Variants in SEPTIN11 observed in about 807,000 individuals in gnomAD.
SEPTIN11 encodes the protein septin 11, also known as septin-11.
Under a neutral mutation model 51.4 loss-of-function variants are expected in SEPTIN11, and 25 were observed. The ratio of observed to expected loss-of-function variants is 0.49; its 90% CI spans 0.35 to 0.68. The LOEUF is 0.68. Among genes scored for constraint, SEPTIN11 ranks in the 30% least tolerant of loss-of-function variants. The pLI, the probability that SEPTIN11 is intolerant of heterozygous loss-of-function variation, is 0.00. For synonymous variants in SEPTIN11, 174 were observed against 184.1 expected (o/e 0.95, Z 0.44); for missense variants, 381 against 520.8 (o/e 0.73, Z 2.61).
chr4:77,017,604 C>T (rs1434309858), intron 5 of SEPTIN11, among the ~76,000 whole-genome samples: 4 of 152,168 alleles, frequency 2.6e-5, no homozygotes, highest in Admixed American at 1.3e-4. Context: ...ATATCTTGAG[C>T]GTCCAACAAA....
At chr4:77,020,473 A>G in intron 6 of SEPTIN11, 29 bp from the exon 7 acceptor site, 1 of 1,609,880 alleles carries the variant, frequency 6.2e-7, no homozygotes, top group Non-Finnish European at 8.5e-7. Flanking sequence ...TGCTAATCCC[A>G]CTTCCGCCAT....
chr4:77,014,535 CA>C (rs1339683871), intron 4 of SEPTIN11, among the ~76,000 whole-genome samples: 1 of 152,024 alleles, frequency 6.6e-6, no homozygotes, highest in Non-Finnish European at 1.5e-5. Flanking sequence ...GAGGAAATTA[CA>C]AGTATACTTT....
At chr4:76,950,024 T>A in intron 1 of SEPTIN11, 94 bp downstream of exon 1, 1 of 1,245,312 alleles carries the variant, frequency 8.0e-7, no homozygotes, top group South Asian at 2.1e-5. Flanking sequence ...GCCGGGCGGG[T>A]GCTCGGCCCC....
At chr4:76,969,271 C>T (rs762149206) in intron 1 of SEPTIN11, among the ~76,000 whole-genome samples, 21 of 152,212 alleles carry the variant, frequency 1.4e-4, no homozygotes, top group Middle Eastern at 3.4e-3. Flanking sequence ...TTGTTGTAAT[C>T]GTATCCTAAT....
Position 77,035,179 on chromosome 4 carries a change from A to G in SEPTIN11, c.*667A>G, listed in dbSNP as rs1435655168. ...CCTTCAATCCTGGCCAAGTTGGAGT[A>G]GACTGGTATGAGAAAACTATGATTA... On this transcript the variant is annotated 3_prime_UTR_variant, in exon 10 of 10. Transcript: ENST00000264893. The G allele has an allele frequency of 2.0e-6, 2 of 985,378 alleles. No individual in the cohort carries two copies. Among genetic ancestry groups the G allele is most frequent in the Admixed American group, 1.2e-4 (2 of 16,254 alleles). 61.0% of individuals were successfully genotyped at this position (985,378 alleles called of 1,614,324 possible). A position where few individuals can be genotyped will look rare whatever the true frequency, so the allele number is the denominator to read the frequency against.
chr4:76,966,113 A>G (rs1251494881), intron 1 of SEPTIN11, among the ~76,000 whole-genome samples: 1 of 152,176 alleles, frequency 6.6e-6, no homozygotes, highest in Non-Finnish European at 1.5e-5. Flanking sequence ...TCTGTGTTTC[A>G]TCTCATCATC....
intron 1 of SEPTIN11, among the ~76,000 whole-genome samples, chr4:76,968,048 T>C (rs75487708): frequency 0.033 from 4,951 of 152,198 alleles, 127 homozygotes; most frequent in East Asian, 0.11. Context: ...GCCAAGCAAA[T>C]GTGGCTCCGC....
Position 77,035,535 on chromosome 4 carries a change from A to G in SEPTIN11, c.*1023A>G, listed in dbSNP as rs899265559. ...CACAAATTTGAGCGAGGCCTTGTCA[A>G]TTTTAAGGTGGAAATAGGAAGGACC... On this transcript the variant is annotated 3_prime_UTR_variant, in exon 10 of 10. Transcript: ENST00000264893. 3.2e-5 allele frequency: 32 copies of G among 985,328 alleles called. No homozygotes were observed. The highest frequency in any genetic ancestry group is 3.7e-5 in the Non-Finnish European group (31 of 829,948). The allele number at this position is 985,328 out of a possible 1,614,324, so 61.0% of individuals were successfully genotyped here.
chr4:77,037,674 CT>C lies in SEPTIN11; in HGVS notation c.*3167del, dbSNP rs1727131444. 3.0e-6 allele frequency: 3 copies of C among 985,704 alleles called. No homozygotes were observed. The highest frequency in any genetic ancestry group is 3.5e-5 in the African/African-American group (2 of 57,234). The allele number at this position is 985,704 out of a possible 1,614,324, so 61.1% of individuals were successfully genotyped here. On this transcript the variant is annotated 3_prime_UTR_variant, in exon 10 of 10. Transcript: ENST00000264893. ...ATCTTTTGTTCAAACATAATACCAT[CT>C]TTTTGCTTCTTCTGAACTTTAGATC...
At chr4:77,010,367 ATATAGAAGAATCT>A (rs1475748362) in intron 3 of SEPTIN11, among the ~76,000 whole-genome samples, 1 of 152,108 alleles carries the variant, frequency 6.6e-6, no homozygotes, top group Non-Finnish European at 1.5e-5. Flanking sequence ...AGATTAGAAA[ATATAGAAGAATCT>A]TATTGCTCAT....
chr4:77,019,692 A>G (rs1725557862), intron 6 of SEPTIN11, among the ~76,000 whole-genome samples: 1 of 152,210 alleles, frequency 6.6e-6, no homozygotes, highest in African/African-American at 2.4e-5. Context: ...GAGACTTAGG[A>G]GAATATTTGA....
In SEPTIN11 at chr4:77,037,563, G is replaced by C; in HGVS notation, c.*3051G>C. 1 of 985,244 alleles carries C rather than the reference G, an allele frequency of 1.0e-6. No individual in the cohort carries two copies. Among genetic ancestry groups the C allele is most frequent in the Non-Finnish European group, 1.2e-6 (1 of 829,862 alleles). The allele number at this position is 985,244 out of a possible 1,614,324, so 61.0% of individuals were successfully genotyped here. On this transcript the variant is annotated 3_prime_UTR_variant, in exon 10 of 10. Coordinates refer to ENST00000264893, the MANE Select transcript of SEPTIN11 (RefSeq NM_018243.4). ...CTTAATTTTTTAATCTTAGTTTAAT[G>C]GTCTCTCCCTGGTGCTAACTGCTGA... is the stretch of plus-strand genomic sequence containing the variant.
chr4:77,015,147 C>A, intron 5 of SEPTIN11, 130 bp downstream of exon 5: 1 of 774,896 alleles, frequency 1.3e-6, no homozygotes, highest in Non-Finnish European at 2.0e-6. Context: ...AGCTTTGCCA[C>A]CACTTCAAGT....
intron 9 of SEPTIN11, among the ~76,000 whole-genome samples, chr4:77,032,909 C>T (rs1377575167): frequency 3.3e-5 from 5 of 151,440 alleles, no homozygotes; most frequent in Non-Finnish European, 7.4e-5. Context: ...TTCTTCCTAT[C>T]CTGGGGCCTT....
In SEPTIN11 at chr4:77,034,957, T is replaced by C. The variant is rs1391476488; in HGVS notation, c.*445T>C. The C allele has an allele frequency of 3.0e-6, 3 of 987,174 alleles. No individual in the cohort carries two copies. Among genetic ancestry groups the C allele is most frequent in the Non-Finnish European group, 3.6e-6 (3 of 830,948 alleles). 61.2% of individuals were successfully genotyped at this position (987,174 alleles called of 1,614,324 possible). A position where few individuals can be genotyped will look rare whatever the true frequency, so the allele number is the denominator to read the frequency against. ...TTCATCTCCATGAGTGCACAATCCC[T>C]GAACTCACTGTCTTTTCTCCACACT... On this transcript the variant is annotated 3_prime_UTR_variant, in exon 10 of 10. Transcript: ENST00000264893.
chr4:76,977,793 T>C (rs1237152870), intron 1 of SEPTIN11, among the ~76,000 whole-genome samples: 21 of 151,924 alleles, frequency 1.4e-4, no homozygotes, highest in Admixed American at 1.4e-3. Flanking sequence ...ACATACTAGG[T>C]AGAGATACAG....
At chr4:76,956,724 C>A (rs977538242) in intron 1 of SEPTIN11, among the ~76,000 whole-genome samples, 1 of 152,220 alleles carries the variant, frequency 6.6e-6, no homozygotes, top group South Asian at 2.1e-4. Flanking sequence ...TTCCTAAATT[C>A]AAAAGAATGA....
At position 77,036,710 on chromosome 4, in the gene SEPTIN11, GT is replaced by G; in HGVS notation, c.*2201del. 1 of 1,535,196 alleles carries G rather than the reference GT, an allele frequency of 6.5e-7. No homozygotes were observed. The highest frequency in any genetic ancestry group is 8.7e-7 in the Non-Finnish European group (1 of 1,146,538). On this transcript the variant is annotated 3_prime_UTR_variant, in exon 10 of 10. Transcript: ENST00000264893. ...TTTTCTGCCACTGCTCCCTAGCCCT[GT>G]TTAGTTTGTTATTGCTGCTTTTCTT...
intron 1 of SEPTIN11, among the ~76,000 whole-genome samples, chr4:76,995,009 C>T (rs112829425): frequency 4.6e-4 from 68 of 146,826 alleles, no homozygotes; most frequent in African/African-American, 1.4e-3. Context: ...GCTGGCTGAG[C>T]CCAGGAGTTT....
Sources: gnomAD v4.1 joint callset for allele counts (sites outside exome capture counted in the v4.1 genomes callset) on GRCh38, gnomAD v4.1.1 for gene constraint, MANE v1.5 for transcripts, NCBI Gene and HGNC (gene_info 2026-07-23, HGNC 2026-07-21) for gene names.